Variants in PDE8A observed in about 807,000 individuals in gnomAD.
PDE8A encodes the protein high affinity cAMP-specific and IBMX-insensitive 3',5'-cyclic phosphodiesterase 8A.
In PDE8A, 59 loss-of-function variants were observed where a neutral mutation model predicts 105.0. That is an observed-to-expected ratio of 0.56 (90% CI 0.46 to 0.70). The LOEUF is 0.70. PDE8A is among the 30% of genes least tolerant of loss of function. PDE8A has a pLI of 0.00. For synonymous variants in PDE8A, 355 were observed against 371.9 expected, an observed-to-expected ratio of 0.95 and a Z score of 0.52; for missense variants, 1,014 against 1,045.9, an observed-to-expected ratio of 0.97 and a Z score of 0.42.
At position 85,115,329 on chromosome 15, in the gene PDE8A, T is replaced by C. The variant is rs527593502; in HGVS notation, c.1351-110T>C. On this transcript the variant is annotated intron_variant, in intron 14 of 21. Transcript: ENST00000394553. ...TGGGCCCAGGGCAGCCTTGAGTGCATTGGTGGAGAGGGCTGCCCTGAGTTG... is the reference window on the plus strand; with the variant it reads ...TGGGCCCAGGGCAGCCTTGAGTGCACTGGTGGAGAGGGCTGCCCTGAGTTG... 50 of 668,654 alleles carry C rather than the reference T, an allele frequency of 7.5e-5. No individual in the cohort carries two copies. The East Asian group carries it at 1.4e-3, about 19-fold the overall frequency. The allele number at this position is 668,654 out of a possible 1,614,324, so 41.4% of individuals were successfully genotyped here.
At chr15:85,056,245 T>G (rs2081057876) in intron 1 of PDE8A, among the ~76,000 whole-genome samples, 1 of 152,200 alleles carries the variant, frequency 6.6e-6, no homozygotes, top group Non-Finnish European at 1.5e-5. Flanking sequence ...CTTAACATTT[T>G]TTCCTTCATT....
chr15:85,088,493 T>C (rs1422507582), intron 6 of PDE8A, among the ~76,000 whole-genome samples: 1 of 152,266 alleles, frequency 6.6e-6, no homozygotes, highest in Non-Finnish European at 1.5e-5. Flanking sequence ...ATACCACATT[T>C]TGTTTATCCA....
chr15:85,070,449 G>A (rs140629106), intron 3 of PDE8A, among the ~76,000 whole-genome samples: 1 of 152,184 alleles, frequency 6.6e-6, no homozygotes, highest in Non-Finnish European at 1.5e-5. Context: ...GAGTGATTTC[G>A]GTATAGGCTT....
At chr15:85,056,990 G>T (rs1279449776) in intron 1 of PDE8A, among the ~76,000 whole-genome samples, 1 of 152,078 alleles carries the variant, frequency 6.6e-6, no homozygotes, top group Admixed American at 6.6e-5. Context: ...CTACAGATGG[G>T]GTTTTGGTGT....
intron 2 of PDE8A, 55 bp from the exon 3 acceptor site, chr15:85,066,959 A>T: frequency 7.5e-7 from 1 of 1,340,110 alleles, no homozygotes; most frequent in Non-Finnish European, 1.0e-6. Context: ...AAGTGTAAGA[A>T]ATGACAATTC....
At chr15:85,011,937 A>C (rs1203424570) in intron 1 of PDE8A, among the ~76,000 whole-genome samples, 1 of 152,268 alleles carries the variant, frequency 6.6e-6, no homozygotes. Context: ...GCCAAAAAAC[A>C]CATGAAAAAA....
chr15:85,110,551 A>G (rs1014554076), intron 12 of PDE8A, among the ~76,000 whole-genome samples: 10 of 152,160 alleles, frequency 6.6e-5, no homozygotes, highest in Non-Finnish European at 4.4e-5. Context: ...ATCGTACAGT[A>G]TGGCTTGTTT....
chr15:85,119,052 G>A (rs556741791), intron 17 of PDE8A, among the ~76,000 whole-genome samples: 1 of 152,280 alleles, frequency 6.6e-6, no homozygotes, highest in South Asian at 2.1e-4. Flanking sequence ...ATGAAAACAA[G>A]TAACAACAGA....
chr15:85,125,518 T>A (rs2082245414), intron 19 of PDE8A, among the ~76,000 whole-genome samples: 1 of 152,238 alleles, frequency 6.6e-6, no homozygotes, highest in Non-Finnish European at 1.5e-5. Flanking sequence ...AAGGCAGAAC[T>A]GAAGTTCTTA....
rs375256237 is a variant in PDE8A at position 85,100,070 on chromosome 15, C to T, written c.993+4C>T. ...AGTGTGCAATGGCAACAATAAGGTA[C>T]GTAAGGAGAGCCCCCCGGGGCCCCA... On this transcript the variant is annotated splice_donor_region_variant and intron_variant, in intron 10 of 21. Coordinates refer to ENST00000394553, the MANE Select transcript of PDE8A (RefSeq NM_002605.3). 87 of 1,613,372 alleles carry T rather than the reference C, an allele frequency of 5.4e-5. No homozygotes were observed. Among genetic ancestry groups the T allele is most frequent in the Non-Finnish European group, 6.7e-5 (79 of 1,179,558 alleles).
At chr15:85,112,746 G>A (rs2082038467) in intron 12 of PDE8A, among the ~76,000 whole-genome samples, 1 of 152,160 alleles carries the variant, frequency 6.6e-6, no homozygotes, top group African/African-American at 2.4e-5. Context: ...GGATGTTAAC[G>A]TTTTTTCTGC....
Position 85,075,929 on chromosome 15 carries a change from ATT to A in PDE8A, c.491+17_491+18del. 6.7e-7 allele frequency: 1 copy of A among 1,486,878 alleles called. No individual in the cohort carries two copies. The highest frequency in any genetic ancestry group is 9.3e-7 in the Non-Finnish European group (1 of 1,072,534). The allele number at this position is 1,486,878 out of a possible 1,614,324, so 92.1% of individuals were successfully genotyped here. A position where few individuals can be genotyped will look rare whatever the true frequency, so the allele number is the denominator to read the frequency against. On this transcript the variant is annotated intron_variant, in intron 4 of 21. Coordinates refer to ENST00000394553, the MANE Select transcript of PDE8A (RefSeq NM_002605.3). ...TGGTGTAGTACGCAGGTAAACTTTC[ATT>A]TTTTTAATGTTGAAATTGAGGTACC...
At chr15:85,040,451 T>C (rs1043029824) in intron 1 of PDE8A, among the ~76,000 whole-genome samples, 2 of 152,040 alleles carry the variant, frequency 1.3e-5, no homozygotes, top group Admixed American at 6.5e-5. Flanking sequence ...TTTCTGATTA[T>C]GTACACCCTT....
At chr15:85,005,759 C>T (rs775879008) in intron 1 of PDE8A, among the ~76,000 whole-genome samples, 1 of 152,078 alleles carries the variant, frequency 6.6e-6, no homozygotes, top group Non-Finnish European at 1.5e-5. Context: ...GGGACAACCT[C>T]AGCATTAGGA....
chr15:85,136,317 G>T (rs543255575), intron 20 of PDE8A, among the ~76,000 whole-genome samples: 1 of 152,200 alleles, frequency 6.6e-6, no homozygotes, highest in African/African-American at 2.4e-5. Context: ...GGCTTGAGTT[G>T]GGGTGTCCTC....
intron 2 of PDE8A, among the ~76,000 whole-genome samples, chr15:85,066,059 A>T (rs945725844): frequency 1.3e-5 from 2 of 152,208 alleles, no homozygotes; most frequent in Admixed American, 6.5e-5. Context: ...ATTACATAAA[A>T]TCTTGAGTCA....
intron 1 of PDE8A, among the ~76,000 whole-genome samples, chr15:85,050,555 A>G (rs2080957155): frequency 6.6e-6 from 1 of 152,178 alleles, no homozygotes; most frequent in Non-Finnish European, 1.5e-5. Flanking sequence ...TCCCAGCACC[A>G]TTTGTTGAAA....
intron 3 of PDE8A, among the ~76,000 whole-genome samples, chr15:85,068,788 G>A (rs1230588147): frequency 6.6e-6 from 1 of 152,150 alleles, no homozygotes; most frequent in Non-Finnish European, 1.5e-5. Context: ...GTATGTGCTA[G>A]GCAATGAAAG....
chr15:84,985,921 C>T (rs1366331945), intron 1 of PDE8A, among the ~76,000 whole-genome samples: 1 of 152,100 alleles, frequency 6.6e-6, no homozygotes, highest in East Asian at 1.9e-4. Flanking sequence ...GAGTAGATTT[C>T]CCTGTAAAGA....
Sources: gnomAD v4.1 joint callset for allele counts (sites outside exome capture counted in the v4.1 genomes callset) on GRCh38, gnomAD v4.1.1 for gene constraint, MANE v1.5 for transcripts, NCBI Gene and HGNC (gene_info 2026-07-23, HGNC 2026-07-21) for gene names.